The following HDX variants were observed in gnomAD, a reference collection of about 807,000 sequenced individuals.
The protein encoded by HDX is highly divergent homeobox.
HDX carries 19 observed loss-of-function variants against 45.2 expected under a neutral mutation model. The ratio of observed to expected loss-of-function variants is 0.42; its 90% CI spans 0.29 to 0.62. HDX has a LOEUF of 0.62. Ranked by LOEUF, HDX falls within the 20% of genes least tolerant of loss-of-function variation. HDX has a pLI of 0.20. For missense variants in HDX, 532 were observed against 493.9 expected (o/e 1.08, Z -0.73); for synonymous variants, 188 against 172.8 (o/e 1.09, Z -0.69).
At chrX:84,479,013 T>A (rs1178117416) in intron 2 of HDX, among the ~76,000 whole-genome samples, 1 of 112,324 alleles carries the variant, frequency 8.9e-6, no homozygotes, top group African/African-American at 3.2e-5. Flanking sequence ...ACATAACACA[T>A]TGAATATCTT....
At chrX:84,360,659 A>G (rs1383767374) in intron 6 of HDX, among the ~76,000 whole-genome samples, 3 of 111,523 alleles carry the variant, frequency 2.7e-5, no homozygotes, top group Non-Finnish European at 5.6e-5. Context: ...TATAAATGAA[A>G]TAATATAATA....
At chrX:84,419,512 C>G (rs758618104) in intron 5 of HDX, among the ~76,000 whole-genome samples, 1 of 111,115 alleles carries the variant, frequency 9.0e-6, no homozygotes, top group African/African-American at 3.3e-5. Flanking sequence ...CATCTCAGCT[C>G]CAGTACAAGG....
chrX:84,340,710 AGGG>A (rs1394028892), intron 7 of HDX, among the ~76,000 whole-genome samples: 1 of 111,103 alleles, frequency 9.0e-6, no homozygotes, highest in Non-Finnish European at 1.9e-5. Flanking sequence ...TGTACCAAAA[AGGG>A]CTGTTTTCAG....
chrX:84,370,127 G>A (rs1048519467), intron 5 of HDX, among the ~76,000 whole-genome samples: 2 of 112,017 alleles, frequency 1.8e-5, no homozygotes, highest in African/African-American at 6.5e-5. Context: ...GCCTGAGTAT[G>A]AAAGAATTCC....
At position 84,482,146 on chromosome X, in the gene HDX, T is replaced by G. The variant is rs2040695424; in HGVS notation, c.-1+5878A>C. Among the ~76,000 whole-genome samples the G allele has an allele frequency of 3.6e-5, 4 of 112,078 alleles. No homozygotes were observed. In the South Asian group the frequency reaches 1.5e-3, roughly 42 times the overall value. ...TAGACACTTAGATCGATTCCATGTC[T>G]TTGTTATTACGAATAGAGCTGAAAT... On this transcript the variant is annotated intron_variant, in intron 2 of 10. Transcript: ENST00000373177.
intron 5 of HDX, among the ~76,000 whole-genome samples, chrX:84,399,666 A>G (rs1457044223): frequency 8.9e-6 from 1 of 111,976 alleles, no homozygotes; most frequent in African/African-American, 3.3e-5. Flanking sequence ...TCTTTCTGAA[A>G]CTATTCCAAA....
At chrX:84,500,467 CACACA>C (rs766840987) in intron 1 of HDX, among the ~76,000 whole-genome samples, 256 of 92,482 alleles carry the variant, frequency 2.8e-3, no homozygotes, top group Non-Finnish European at 3.4e-3. Flanking sequence ...CACACACACA[CACACA>C]ACAACAACAA....
chrX:84,482,598 G>A lies in HDX; in HGVS notation c.-1+5426C>T, dbSNP rs190050747. On this transcript the variant is annotated intron_variant, in intron 2 of 10. Coordinates refer to ENST00000373177, the MANE Select transcript of HDX (RefSeq NM_001177479.2). ...CCCCATGAGTCAATTATTTCCCACTGGGTCCCTCCCACAACATGTGGGAAT... is the reference window on the plus strand; with the variant it reads ...CCCCATGAGTCAATTATTTCCCACTAGGTCCCTCCCACAACATGTGGGAAT... Among the ~76,000 whole-genome samples the A allele has an allele frequency of 4.5e-5, 5 of 111,498 alleles. No individual in the cohort carries two copies. The East Asian group carries it at 1.4e-3, about 32-fold the overall frequency.
chrX:84,324,101 G>A (rs1308531546), intron 10 of HDX, among the ~76,000 whole-genome samples: 1 of 111,643 alleles, frequency 9.0e-6, no homozygotes, highest in Non-Finnish European at 1.9e-5. Flanking sequence ...ATTTTAAAGT[G>A]GCTATTGATT....
At chrX:84,435,306 G>A (rs994068089) in intron 5 of HDX, among the ~76,000 whole-genome samples, 1 of 111,229 alleles carries the variant, frequency 9.0e-6, no homozygotes, top group African/African-American at 3.3e-5. Flanking sequence ...TTTCTCTGAT[G>A]GCCAGTGATC....
Position 84,336,787 on chromosome X carries a change from C to A in HDX, c.1740+14G>T, listed in dbSNP as rs1387732221. The A allele has an allele frequency of 9.3e-7, 1 of 1,074,194 alleles. No individual in the cohort carries two copies. Among genetic ancestry groups the A allele is most frequent in the Non-Finnish European group, 1.3e-6 (1 of 783,777 alleles). The allele number at this position is 1,074,194 out of a possible 1,213,427, so 88.5% of individuals were successfully genotyped here. On this transcript the variant is annotated intron_variant, in intron 8 of 10. Transcript: ENST00000373177. ...CAACCATGTAATGAGAAAAGAATTT[C>A]AAACTGTACATACCACATTATCTGT...
At chrX:84,355,683 G>T (rs1180091110) in intron 6 of HDX, among the ~76,000 whole-genome samples, 1 of 109,104 alleles carries the variant, frequency 9.2e-6, no homozygotes, top group Non-Finnish European at 1.9e-5. Context: ...CACAGGAAGG[G>T]GAATATCACA....
intron 1 of HDX, among the ~76,000 whole-genome samples, chrX:84,497,844 T>C (rs1362470119): frequency 1.8e-5 from 2 of 111,157 alleles, no homozygotes; most frequent in Non-Finnish European, 3.8e-5. Context: ...ATACAGTGTC[T>C]AGAATAACAC....
chrX:84,489,195 A>C (rs1222008011), intron 1 of HDX, among the ~76,000 whole-genome samples: 6 of 111,284 alleles, frequency 5.4e-5, no homozygotes, highest in Non-Finnish European at 1.1e-4. Context: ...TCTAGTGATG[A>C]TCTATAGTAG....
intron 5 of HDX, among the ~76,000 whole-genome samples, chrX:84,421,429 T>C (rs2039250443): frequency 9.0e-6 from 1 of 111,019 alleles, no homozygotes; most frequent in Non-Finnish European, 1.9e-5. Context: ...AAAAGATACA[T>C]TGGATACAAG....
intron 8 of HDX, among the ~76,000 whole-genome samples, chrX:84,335,291 A>T (rs1339665453): frequency 9.0e-6 from 1 of 110,791 alleles, no homozygotes; most frequent in Non-Finnish European, 1.9e-5. Context: ...GATGCACCAA[A>T]GGCCACCGTA....
intron 5 of HDX, among the ~76,000 whole-genome samples, chrX:84,413,698 T>C (rs1777466620): frequency 8.9e-6 from 1 of 112,087 alleles, no homozygotes; most frequent in Admixed American, 9.5e-5. Flanking sequence ...GACATCGTAT[T>C]ATTCCTCTTT....
intron 4 of HDX, among the ~76,000 whole-genome samples, chrX:84,452,315 A>T (rs1474736274): frequency 1.8e-5 from 2 of 111,476 alleles, no homozygotes; most frequent in Non-Finnish European, 3.8e-5. Context: ...GTAAAATTGG[A>T]GACAGAAAAT....
chrX:84,390,012 G>A (rs759831476), intron 5 of HDX, among the ~76,000 whole-genome samples: 3 of 110,594 alleles, frequency 2.7e-5, no homozygotes, highest in South Asian at 3.9e-4. Flanking sequence ...TGTATCTTGC[G>A]CAGGGTTTCC....
Sources: gnomAD v4.1 joint callset for allele counts (sites outside exome capture counted in the v4.1 genomes callset) on GRCh38, gnomAD v4.1.1 for gene constraint, MANE v1.5 for transcripts, NCBI Gene and HGNC (gene_info 2026-07-23, HGNC 2026-07-21) for gene names.